The following CSE1L variants were observed in gnomAD, a reference collection of about 807,000 sequenced individuals.
CSE1L encodes the protein chromosome segregation 1 like, also known as exportin-2.
Under a neutral mutation model 120.4 loss-of-function variants are expected in CSE1L, and 24 were observed. The observed-to-expected ratio is 0.20, with a 90% confidence interval of 0.14 to 0.28. The LOEUF is 0.28. CSE1L is among the 10% of genes least tolerant of loss of function. The probability of loss-of-function intolerance (pLI) is 1.00; values close to 1 mark genes in which losing one functional copy is unlikely to be tolerated. For missense variants in CSE1L, 830 were observed against 1,145.2 expected, an observed-to-expected ratio of 0.72 and a Z score of 3.97; for synonymous variants, 402 against 398.3, an observed-to-expected ratio of 1.01 and a Z score of -0.11.
intron 15 of CSE1L, 74 bp from the exon 16 acceptor site, chr20:49,085,209 G>A: frequency 9.5e-7 from 1 of 1,049,896 alleles, no homozygotes; most frequent in Non-Finnish European, 1.5e-6. Flanking sequence ...GGGTGACATA[G>A]TGGTTGCCAA....
At chr20:49,074,969 A>G (rs2091959284) in intron 11 of CSE1L, 119 bp downstream of exon 11, 2 of 686,370 alleles carry the variant, frequency 2.9e-6, no homozygotes, top group Non-Finnish European at 4.9e-6. Flanking sequence ...GCGGGCTTTC[A>G]TTGAGAACTG....
chr20:49,060,566 A>G (rs746005039), intron 2 of CSE1L, among the ~76,000 whole-genome samples: 43 of 152,120 alleles, frequency 2.8e-4, no homozygotes, highest in Admixed American at 9.2e-4. Context: ...ACCTGAGGTC[A>G]GGAGTTTGAG....
intron 18 of CSE1L, 53 bp from the exon 19 acceptor site, chr20:49,089,485 G>T (rs1262191829): frequency 1.2e-6 from 2 of 1,605,768 alleles, no homozygotes; most frequent in East Asian, 2.2e-5. Context: ...TGGGCCTTTT[G>T]TGTCAGTCAT....
intron 1 of CSE1L, among the ~76,000 whole-genome samples, chr20:49,050,342 C>G (rs2091756422): frequency 6.6e-6 from 1 of 150,936 alleles, no homozygotes; most frequent in Non-Finnish European, 1.5e-5. Context: ...CCTCAACTTC[C>G]CTAGTAGCTA....
chr20:49,073,764 G>A (rs2091948860), intron 10 of CSE1L, among the ~76,000 whole-genome samples: 1 of 152,058 alleles, frequency 6.6e-6, no homozygotes, highest in Admixed American at 6.6e-5. Context: ...GGGATTACAG[G>A]CATGAGCCAC....
In CSE1L at chr20:49,049,625, T is replaced by C. The variant is rs534818124; in HGVS notation, c.-12+3202T>C. On this transcript the variant is annotated intron_variant, in intron 1 of 24. Coordinates refer to ENST00000262982, the MANE Select transcript of CSE1L (RefSeq NM_001316.4). ...TAGAGCTTGATCTTGTTGATAATTA[T>C]GAATACCTGTAAAATGTTCTCTAAA... Among the ~76,000 whole-genome samples the C allele has an allele frequency of 4.6e-5, 7 of 152,360 alleles. No individual in the cohort carries two copies. In the South Asian group the frequency reaches 1.4e-3, roughly 32 times the overall value.
At chr20:49,056,757 A>G (rs1239696493) in intron 1 of CSE1L, among the ~76,000 whole-genome samples, 1 of 151,938 alleles carries the variant, frequency 6.6e-6, no homozygotes, top group Non-Finnish European at 1.5e-5. Flanking sequence ...TTAATGGACA[A>G]AATTGTATAT....
intron 22 of CSE1L, among the ~76,000 whole-genome samples, chr20:49,093,321 G>A (rs1378106991): frequency 6.6e-6 from 1 of 152,108 alleles, no homozygotes; most frequent in Non-Finnish European, 1.5e-5. Flanking sequence ...CCACTTCAAA[G>A]AATTGGTTCT....
intron 1 of CSE1L, among the ~76,000 whole-genome samples, chr20:49,053,064 A>G (rs535599211): frequency 1.3e-4 from 20 of 151,912 alleles, no homozygotes; most frequent in African/African-American, 4.6e-4. Flanking sequence ...AGTCCCAGCT[A>G]TTCCAGAGGC....
At chr20:49,049,489 T>C (rs372725245) in intron 1 of CSE1L, among the ~76,000 whole-genome samples, 7 of 152,234 alleles carry the variant, frequency 4.6e-5, no homozygotes, top group African/African-American at 1.2e-4. Flanking sequence ...CCAAAATGAA[T>C]GTTTTGTTTC....
rs188702144 is a variant in CSE1L, at chr20:49,079,153, A to G, written c.1482+531A>G. Among the ~76,000 whole-genome samples, 3 of 151,912 alleles carry G rather than the reference A, an allele frequency of 2.0e-5. No homozygotes were observed. The East Asian group carries it at 5.8e-4, about 29-fold the overall frequency. On this transcript the variant is annotated intron_variant, in intron 14 of 24. Transcript: ENST00000262982. ...GGTGATCTGTTCACCTCGGCCTCCCAAAGTGCTGGGACTACAGGTGTGAGC... is the reference window on the plus strand; with the variant it reads ...GGTGATCTGTTCACCTCGGCCTCCCGAAGTGCTGGGACTACAGGTGTGAGC...
chr20:49,056,244 T>G (rs2091805949), intron 1 of CSE1L, among the ~76,000 whole-genome samples: 1 of 152,094 alleles, frequency 6.6e-6, no homozygotes. Flanking sequence ...TAACTGGGAT[T>G]ACAGGTGCAT....
intron 12 of CSE1L, among the ~76,000 whole-genome samples, chr20:49,076,259 C>G (rs187955536): frequency 6.6e-6 from 1 of 152,206 alleles, no homozygotes; most frequent in African/African-American, 2.4e-5. Flanking sequence ...ACGATCTTGG[C>G]TCACCGCAAC....
chr20:49,051,906 C>T (rs1382254737), intron 1 of CSE1L, among the ~76,000 whole-genome samples: 2 of 152,142 alleles, frequency 1.3e-5, no homozygotes, highest in African/African-American at 2.4e-5. Context: ...ATGTTGCCCA[C>T]GCTGGTCTTG....
At position 49,089,369 on chromosome 20, in the gene CSE1L, T is replaced by C. The variant is rs1173861963; in HGVS notation, c.1944T>C (p.Phe648=). The change falls in exon 18 of 25, where the codon TTT becomes TTC. Residue 648 remains phenylalanine, a synonymous_variant. Transcript: ENST00000262982. Reference sequence around the variant, plus strand: ...TTGAGGAGGCTTTGTTTTTGGTGTTTACTGAAATCTTACAAAATGATGTGC... The same window carrying C: ...TTGAGGAGGCTTTGTTTTTGGTGTTCACTGAAATCTTACAAAATGATGTGC... The part of the protein sequence containing the change: ...VNFEEALFLV[F]TEILQNDVQE... 1 of 1,609,998 alleles carries C rather than the reference T, an allele frequency of 6.2e-7. No individual in the cohort carries two copies. The highest frequency in any genetic ancestry group is 2.2e-5 in the East Asian group (1 of 44,880).
chr20:49,088,325 A>G (rs1198882109), intron 17 of CSE1L, among the ~76,000 whole-genome samples: 1 of 152,230 alleles, frequency 6.6e-6, no homozygotes, highest in Non-Finnish European at 1.5e-5. Flanking sequence ...ATACATTTTC[A>G]TTCTCATTAC....
At chr20:49,082,923 G>A (rs996173672) in intron 14 of CSE1L, among the ~76,000 whole-genome samples, 4 of 151,748 alleles carry the variant, frequency 2.6e-5, no homozygotes, top group South Asian at 4.2e-4. Context: ...GGACTCAAGC[G>A]ATCCTCCTGC....
At chr20:49,067,572 T>A (rs191007776) in intron 6 of CSE1L, among the ~76,000 whole-genome samples, 9 of 152,266 alleles carry the variant, frequency 5.9e-5, no homozygotes, top group Admixed American at 2.0e-4. Context: ...TTAAAGTATG[T>A]GTCTCTAAAG....
chr20:49,066,755 A>C (rs1219819836), intron 5 of CSE1L, among the ~76,000 whole-genome samples: 7 of 152,090 alleles, frequency 4.6e-5, no homozygotes. Flanking sequence ...CTGGCTGGGC[A>C]TGATGGCTCA....
Sources: gnomAD v4.1 joint callset for allele counts (sites outside exome capture counted in the v4.1 genomes callset) on GRCh38, gnomAD v4.1.1 for gene constraint, MANE v1.5 for transcripts, NCBI Gene and HGNC (gene_info 2026-07-23, HGNC 2026-07-21) for gene names.